Variants in NLGN1 observed in about 807,000 individuals in gnomAD.
NLGN1 encodes the protein neuroligin 1.
Under a neutral mutation model 65.5 loss-of-function variants are expected in NLGN1, and 12 were observed. That is an observed-to-expected ratio of 0.18 (90% CI 0.12 to 0.30). The LOEUF is 0.30. Ranked by LOEUF, NLGN1 falls within the 10% of genes least tolerant of loss-of-function variation. NLGN1 has a pLI of 1.00. For synonymous variants in NLGN1, 350 were observed against 359.5 expected (o/e 0.97, Z 0.30); for missense variants, 750 against 1,007.1 (o/e 0.74, Z 3.46).
chr3:174,196,314 CTCT>C (rs1314355032), intron 4 of NLGN1, among the ~76,000 whole-genome samples: 1 of 151,530 alleles, frequency 6.6e-6, no homozygotes, highest in Non-Finnish European at 1.5e-5. Context: ...TATTTTTTTT[CTCT>C]TTTTTTCGCT....
intron 4 of NLGN1, among the ~76,000 whole-genome samples, chr3:174,103,398 ATC>A (rs1712994828): frequency 6.6e-6 from 1 of 152,178 alleles, no homozygotes; most frequent in African/African-American, 2.4e-5. Context: ...TTATACAAAT[ATC>A]TCTTTTTCCT....
intron 3 of NLGN1, among the ~76,000 whole-genome samples, chr3:173,749,542 G>A (rs973252865): frequency 1.3e-4 from 19 of 151,904 alleles, no homozygotes; most frequent in African/African-American, 3.9e-4. Context: ...CAATCAAACC[G>A]TAACTGTTAA....
intron 4 of NLGN1, among the ~76,000 whole-genome samples, chr3:173,823,591 T>G (rs1009718402): frequency 2.6e-5 from 4 of 152,010 alleles, no homozygotes; most frequent in Non-Finnish European, 5.9e-5. Context: ...TGGCGCTGCT[T>G]CATTTAAAAA....
intron 4 of NLGN1, among the ~76,000 whole-genome samples, chr3:173,998,556 C>G (rs1722702716): frequency 6.6e-6 from 1 of 152,222 alleles, no homozygotes. Flanking sequence ...ATACTTTCAT[C>G]TCTTCCTTGC....
chr3:173,587,235 A>G (rs1747628612), intron 2 of NLGN1, among the ~76,000 whole-genome samples: 2 of 152,136 alleles, frequency 1.3e-5, no homozygotes, highest in African/African-American at 2.4e-5. Flanking sequence ...CTACTCCCCT[A>G]TTATATTCTC....
At chr3:174,166,860 C>G (rs1429830052) in intron 4 of NLGN1, among the ~76,000 whole-genome samples, 1 of 151,944 alleles carries the variant, frequency 6.6e-6, no homozygotes, top group African/African-American at 2.4e-5. Flanking sequence ...AATACGGGTG[C>G]TCTATGGTTG....
intron 4 of NLGN1, among the ~76,000 whole-genome samples, chr3:174,168,534 T>TATATATATATATA (rs1561205531): frequency 6.6e-6 from 1 of 151,624 alleles, no homozygotes; most frequent in African/African-American, 2.4e-5. Flanking sequence ...AGGCTTTATA[T>TATATATATATATA]TGGCTATTGG....
chr3:173,827,388 A>G (rs1359732365), intron 4 of NLGN1, among the ~76,000 whole-genome samples: 1 of 152,078 alleles, frequency 6.6e-6, no homozygotes, highest in Non-Finnish European at 1.5e-5. Flanking sequence ...GATCAGAGAA[A>G]ACTGTTCTCT....
intron 4 of NLGN1, among the ~76,000 whole-genome samples, chr3:173,943,347 C>T (rs1445122510): frequency 6.6e-6 from 1 of 151,994 alleles, no homozygotes; most frequent in Non-Finnish European, 1.5e-5. Context: ...CAACATTGTC[C>T]TTGTGGGGGC....
intron 4 of NLGN1, among the ~76,000 whole-genome samples, chr3:173,958,640 C>A (rs919924075): frequency 1.4e-4 from 21 of 152,122 alleles, no homozygotes; most frequent in African/African-American, 5.1e-4. Context: ...ACTGTAAGTT[C>A]CCACTCTGGT....
chr3:174,233,990 T>A (rs1253913931), intron 4 of NLGN1, among the ~76,000 whole-genome samples: 1 of 152,170 alleles, frequency 6.6e-6, no homozygotes, highest in Non-Finnish European at 1.5e-5. Flanking sequence ...TATATGGGCA[T>A]TTAAACTTTA....
At chr3:173,532,138 C>G (rs1183363094) in intron 2 of NLGN1, among the ~76,000 whole-genome samples, 2 of 152,128 alleles carry the variant, frequency 1.3e-5, no homozygotes, top group Non-Finnish European at 2.9e-5. Flanking sequence ...AATCCCAGAG[C>G]TTTTACTCTG....
chr3:173,724,859 A>T (rs896026316), intron 3 of NLGN1, among the ~76,000 whole-genome samples: 8 of 152,206 alleles, frequency 5.3e-5, no homozygotes, highest in Admixed American at 1.3e-4. Context: ...AGCCATAAAA[A>T]TGCATGAGTT....
chr3:173,796,829 A>T lies in NLGN1; in HGVS notation c.494-10851A>T, dbSNP rs893960207. Among the ~76,000 whole-genome samples the T allele has an allele frequency of 3.3e-5, 5 of 152,272 alleles. No homozygotes were observed. In the East Asian group the frequency reaches 7.7e-4, roughly 24 times the overall value. On this transcript the variant is annotated intron_variant, in intron 3 of 6. Coordinates refer to ENST00000457714, the Ensembl canonical transcript of NLGN1. ...AACTGTTATTTCTATTTGAAGGATA[A>T]ATGTGTTACCCTTTGAGGAAATGAT...
intron 4 of NLGN1, among the ~76,000 whole-genome samples, chr3:174,093,794 ACTAT>A (rs1744959805): frequency 6.6e-6 from 1 of 152,168 alleles, no homozygotes; most frequent in Non-Finnish European, 1.5e-5. Flanking sequence ...GTTAATAATC[ACTAT>A]CTATTACAAA....
intron 3 of NLGN1, among the ~76,000 whole-genome samples, chr3:173,730,328 C>G (rs1157445192): frequency 7.3e-6 from 1 of 137,476 alleles, no homozygotes; most frequent in Non-Finnish European, 1.6e-5. Context: ...CCGCTCCCCC[C>G]CCCCCGCAAA....
At chr3:173,730,669 G>A (rs981906036) in intron 3 of NLGN1, among the ~76,000 whole-genome samples, 27 of 152,106 alleles carry the variant, frequency 1.8e-4, no homozygotes, top group African/African-American at 6.0e-4. Context: ...TGAAATGAGA[G>A]TATTAAGTAA....
chr3:174,115,065 T>A (rs1716091777), intron 4 of NLGN1, among the ~76,000 whole-genome samples: 1 of 152,168 alleles, frequency 6.6e-6, no homozygotes. Flanking sequence ...TATGCTGACA[T>A]CTAAAATGGT....
intron 2 of NLGN1, chr3:173,584,494 G>A (rs1746985344): frequency 7.8e-6 from 1 of 128,992 alleles, no homozygotes; most frequent in African/African-American, 3.0e-5. Flanking sequence ...AAAGAAACCA[G>A]AGTTTTTTTT....
Sources: allele counts gnomAD v4.1 joint callset (sites outside exome capture counted in the v4.1 genomes callset), GRCh38; gene constraint gnomAD v4.1.1; transcripts MANE v1.5; gene names NCBI Gene and HGNC (gene_info 2026-07-23, HGNC 2026-07-21).